The following ECE1 variants were observed in gnomAD, a reference collection of about 807,000 sequenced individuals.
ECE1 encodes the protein endothelin-converting enzyme 1.
Under a neutral mutation model 98.6 loss-of-function variants are expected in ECE1, and 35 were observed. The ratio of observed to expected loss-of-function variants is 0.35; its 90% CI spans 0.27 to 0.47. ECE1 has a LOEUF of 0.47. Among genes scored for constraint, ECE1 ranks in the 20% least tolerant of loss-of-function variants. The probability of loss-of-function intolerance (pLI) is 1.00; values close to 1 mark genes in which losing one functional copy is unlikely to be tolerated. For missense variants in ECE1, 814 were observed against 1,025.3 expected (o/e 0.79, Z 2.81); for synonymous variants, 394 against 407.1 (o/e 0.97, Z 0.39).
chr1:21,290,047 G>A lies in ECE1; in HGVS notation c.138+23C>T, dbSNP rs747021532. 7.2e-7 allele frequency: 1 copy of A among 1,388,352 alleles called. No individual in the cohort carries two copies. The allele number at this position is 1,388,352 out of a possible 1,614,324, so 86.0% of individuals were successfully genotyped here. ...CCCGGGCCCGGGGCGCCTGGACCTC[G>A]GGAGGGAGCGGAGGGCGCCTACCTG... is the stretch of plus-strand genomic sequence containing the variant. On this transcript the variant is annotated intron_variant, in intron 2 of 18. Coordinates refer to ENST00000374893, the MANE Select transcript of ECE1 (RefSeq NM_001397.3). The surrounding 1 kb of genome is among the most constrained non-coding windows in gnomAD (Gnocchi z 7.3).
At chr1:21,254,521 G>T (rs1331455960) in intron 8 of ECE1, among the ~76,000 whole-genome samples, 1 of 152,090 alleles carries the variant, frequency 6.6e-6, no homozygotes, top group African/African-American at 2.4e-5. Context: ...GGATGCCTGG[G>T]GGGAACCTGG....
At chr1:21,249,216 G>C (rs1053075433) in intron 8 of ECE1, among the ~76,000 whole-genome samples, 1 of 151,660 alleles carries the variant, frequency 6.6e-6, no homozygotes, top group Non-Finnish European at 1.5e-5. Context: ...GGTGGTACAT[G>C]CCTGTAGTCC....
At chr1:21,250,160 C>T (rs2098210507) in intron 8 of ECE1, among the ~76,000 whole-genome samples, 2 of 152,130 alleles carry the variant, frequency 1.3e-5, no homozygotes, top group South Asian at 4.1e-4. Flanking sequence ...CTCCTGGAAA[C>T]TACCATTCTA....
rs142988424 is a variant in ECE1, at chr1:21,260,315, T to C, written c.571A>G (p.Ile191Val). Residue 191 changes from isoleucine to valine, a missense_variant, in exon 5 of 19, where the codon ATC becomes GTC. Around this residue, in one of 3 missense-constraint regions of ECE1, gnomAD observed 257 missense variants for 278.9 expected, o/e 0.92. Coordinates refer to ENST00000374893, the MANE Select transcript of ECE1 (RefSeq NM_001397.3). This position sits in a 1 kb window ranked among gnomAD's most constrained non-coding sequence, Gnocchi z 4.3. ...AGAGGTTTGGCCCTGAGCTCCTCGATCCTGGTCTCGTTCATGCACGCACGG... is the reference window on the plus strand; with the variant it reads ...AGAGGTTTGGCCCTGAGCTCCTCGACCCTGGTCTCGTTCATGCACGCACGG... ...YYRACMNETRIEELRAKPLME... is the reference protein window; with the variant it reads ...YYRACMNETRVEELRAKPLME... 1.5e-5 allele frequency: 24 copies of C among 1,614,252 alleles called. No homozygotes were observed. The African/African-American group carries it at 2.7e-4, about 18-fold the overall frequency.
chr1:21,256,439 C>G (rs992324519), intron 7 of ECE1, among the ~76,000 whole-genome samples: 1 of 152,142 alleles, frequency 6.6e-6, no homozygotes, highest in Non-Finnish European at 1.5e-5. Context: ...GCCTATAATC[C>G]CAGCTACTCA....
At chr1:21,286,590 A>G (rs28367933) in intron 2 of ECE1, among the ~76,000 whole-genome samples, 22 of 152,252 alleles carry the variant, frequency 1.4e-4, no homozygotes, top group East Asian at 7.7e-4. Flanking sequence ...GTTCAGAGTG[A>G]CTCACTTTAG....
chr1:21,287,228 T>G (rs2098261468), intron 2 of ECE1, among the ~76,000 whole-genome samples: 1 of 152,156 alleles, frequency 6.6e-6, no homozygotes, highest in East Asian at 1.9e-4. Flanking sequence ...TTAAAAAGTC[T>G]AAAATTGAGA....
At chr1:21,310,640 C>G (rs566411554) in intron 1 of ECE1, among the ~76,000 whole-genome samples, 2 of 152,296 alleles carry the variant, frequency 1.3e-5, no homozygotes, top group East Asian at 3.9e-4. Flanking sequence ...ACTCTGCACA[C>G]ACCCCCAGCA....
At chr1:21,268,567 G>A (rs2098236752) in intron 4 of ECE1, among the ~76,000 whole-genome samples, 1 of 152,254 alleles carries the variant, frequency 6.6e-6, no homozygotes, top group African/African-American at 2.4e-5. Flanking sequence ...CACACAAGCA[G>A]ATGGTAATAA....
chr1:21,240,304 C>T (rs572157333), intron 10 of ECE1, among the ~76,000 whole-genome samples: 20 of 152,124 alleles, frequency 1.3e-4, no homozygotes, highest in East Asian at 7.7e-4. Context: ...CTGGCCAACA[C>T]GGTGAAACTC....
intron 1 of ECE1, among the ~76,000 whole-genome samples, chr1:21,334,143 T>C (rs1639261640): frequency 6.6e-6 from 1 of 152,186 alleles, no homozygotes; most frequent in African/African-American, 2.4e-5. Context: ...ATGAGGAGTC[T>C]AGAATCAGGG....
chr1:21,267,899 G>A (rs111513921), intron 4 of ECE1, among the ~76,000 whole-genome samples: 4 of 152,314 alleles, frequency 2.6e-5, no homozygotes, highest in African/African-American at 4.8e-5. Flanking sequence ...CCACATCACC[G>A]ACATGGACAC....
chr1:21,300,506 C>T (rs1366142633), intron 1 of ECE1, among the ~76,000 whole-genome samples: 2 of 152,102 alleles, frequency 1.3e-5, no homozygotes, highest in Admixed American at 1.3e-4. Context: ...GCAAACTCAG[C>T]TCACTCCAAC....
At position 21,258,942 on chromosome 1, in the gene ECE1, G is replaced by A. The variant is rs1469610350; in HGVS notation, c.616-103C>T. The A allele has an allele frequency of 4.5e-5, 67 of 1,482,972 alleles. No individual in the cohort carries two copies. The highest frequency in any genetic ancestry group is 2.4e-4 in the East Asian group (10 of 41,546). The allele number at this position is 1,482,972 out of a possible 1,614,324, so 91.9% of individuals were successfully genotyped here. The stretch of plus-strand genomic sequence containing the variant: ...CTTGCTCTGTGACCCTGGAGCAGTC[G>A]CCTGACCTCTCTGAGCCTCAAGAGC... On this transcript the variant is annotated intron_variant, in intron 5 of 18. Coordinates refer to ENST00000374893, the MANE Select transcript of ECE1 (RefSeq NM_001397.3). The surrounding 1 kb of genome is among the most constrained non-coding windows in gnomAD (Gnocchi z 4.2).
chr1:21,289,441 A>G (rs946404093), intron 2 of ECE1, among the ~76,000 whole-genome samples: 3 of 152,052 alleles, frequency 2.0e-5, no homozygotes, highest in Non-Finnish European at 4.4e-5. Context: ...CCTCCCCAGG[A>G]GTGGGCAGAT....
intron 1 of ECE1, among the ~76,000 whole-genome samples, chr1:21,309,676 A>G (rs572561623): frequency 6.6e-6 from 1 of 152,244 alleles, no homozygotes; most frequent in South Asian, 2.1e-4. Flanking sequence ...AACTCCTTCA[A>G]CACATGCTTC....
intron 3 of ECE1, among the ~76,000 whole-genome samples, chr1:21,275,107 TACA>T (rs2098244992): frequency 2.6e-5 from 4 of 152,206 alleles, no homozygotes; most frequent in African/African-American, 7.2e-5. Context: ...AGGAAAATTT[TACA>T]ACATCTTGGC....
chr1:21,337,974 G>A (rs1464355877), intron 1 of ECE1, among the ~76,000 whole-genome samples: 2 of 152,134 alleles, frequency 1.3e-5, no homozygotes, highest in Non-Finnish European at 2.9e-5. Context: ...CTCCAGTGCT[G>A]GAAGGAACAG....
chr1:21,282,965 G>A lies in ECE1; in HGVS notation c.139-3633C>T, dbSNP rs1319568817. Among the ~76,000 whole-genome samples the A allele has an allele frequency of 8.0e-5, 11 of 138,290 alleles. No individual in the cohort carries two copies. In the South Asian group the frequency reaches 2.1e-3, roughly 26 times the overall value. The allele number at this position is 138,290 out of a possible 152,430, so 90.7% of individuals were successfully genotyped here. A position where few individuals can be genotyped will look rare whatever the true frequency, so the allele number is the denominator to read the frequency against. ...TTTTTTTTTTTTTTTTTTTTGAGAC[G>A]GAGTCTTGCTTTCTCACCCAGGCTG... is the stretch of plus-strand genomic sequence containing the variant. On this transcript the variant is annotated intron_variant, in intron 2 of 18. Transcript: ENST00000374893.
Sources: allele counts gnomAD v4.1 joint callset (sites outside exome capture counted in the v4.1 genomes callset), GRCh38; gene constraint gnomAD v4.1.1; regional missense constraint gnomAD v4.1.1; non-coding constraint Gnocchi (gnomAD v3.1); transcripts MANE v1.5; gene names NCBI Gene and HGNC (gene_info 2026-07-23, HGNC 2026-07-21).